Variants in C2orf78 observed in about 807,000 individuals in gnomAD.
C2orf78 encodes uncharacterized protein C2orf78.
In C2orf78, 12 loss-of-function variants were observed where a neutral mutation model predicts 21.4. The ratio of observed to expected loss-of-function variants is 0.56; its 90% confidence interval spans 0.36 to 0.91. The LOEUF (loss-of-function observed/expected upper bound fraction) is 0.91. C2orf78 is among the 40% of genes least tolerant of loss of function. C2orf78 has a pLI of 0.01. For synonymous variants in C2orf78, 396 were observed against 413.9 expected, an observed-to-expected ratio of 0.96 and a Z score of 0.52; for missense variants, 1,042 against 1,092.4, an observed-to-expected ratio of 0.95 and a Z score of 0.65.
At chr2:73,815,794 A>G in exon 3 of C2orf78, 1 of 1,613,870 alleles carries the variant, frequency 6.2e-7, no homozygotes, top group East Asian at 2.2e-5. Context: ...AAGAACCCAG[A>G]GTGCCTATTA....
chr2:73,811,627 A>G (rs1226021492), intron 1 of C2orf78, among the ~76,000 whole-genome samples: 1 of 152,194 alleles, frequency 6.6e-6, no homozygotes, highest in African/African-American at 2.4e-5. Context: ...ACATATCTCT[A>G]ATTCCATATC....
intron 2 of C2orf78, among the ~76,000 whole-genome samples, chr2:73,814,856 A>G (rs1295127670): frequency 6.6e-6 from 1 of 152,230 alleles, no homozygotes; most frequent in African/African-American, 2.4e-5. Context: ...CAACCCTATG[A>G]AATACAAAGA....
At chr2:73,816,076 C>G in exon 3 of C2orf78, 2 of 1,613,800 alleles carry the variant, frequency 1.2e-6, no homozygotes, top group Non-Finnish European at 1.7e-6. Context: ...AGCCAAAAGA[C>G]CCTTAAAAAG....
intron 1 of C2orf78, chr2:73,808,999 A>T (rs1437420982): frequency 3.6e-6 from 2 of 559,712 alleles, no homozygotes; most frequent in African/African-American, 3.8e-5. Context: ...TTGGAATAAC[A>T]GGGAAAGTAT....
chr2:73,808,527 T>C (rs1263908872), intron 1 of C2orf78, among the ~76,000 whole-genome samples: 1 of 150,406 alleles, frequency 6.6e-6, no homozygotes, highest in Non-Finnish European at 1.5e-5. Flanking sequence ...GGGACTATCA[T>C]GTCTGTCTTG....
At chr2:73,812,831 G>A (rs1026262302) in intron 1 of C2orf78, among the ~76,000 whole-genome samples, 10 of 152,108 alleles carry the variant, frequency 6.6e-5, no homozygotes, top group African/African-American at 2.4e-4. Context: ...ATTTACCAAT[G>A]GCCTGGGTTA....
chr2:73,809,879 G>A (rs902173045), intron 1 of C2orf78, among the ~76,000 whole-genome samples: 21 of 152,184 alleles, frequency 1.4e-4, no homozygotes, highest in Admixed American at 2.0e-4. Flanking sequence ...TGGGTTATAA[G>A]GAGGCAGGTA....
intron 1 of C2orf78, among the ~76,000 whole-genome samples, chr2:73,810,041 T>C (rs1452325352): frequency 6.7e-6 from 1 of 149,150 alleles, no homozygotes; most frequent in African/African-American, 2.5e-5. Context: ...GACAACAGAG[T>C]GAAATCTATT....
exon 2 of C2orf78, chr2:73,813,967 G>A (rs1299611638): frequency 6.2e-7 from 1 of 1,613,974 alleles, no homozygotes; most frequent in South Asian, 1.1e-5. Context: ...TTCCAAATCA[G>A]CAGGGCCATA....
exon 3 of C2orf78, chr2:73,815,103 C>T (rs756829158): frequency 6.2e-6 from 10 of 1,613,512 alleles, no homozygotes; most frequent in Non-Finnish European, 8.5e-6. Flanking sequence ...GGATACTTCC[C>T]TGGGATTGCA....
intron 1 of C2orf78, among the ~76,000 whole-genome samples, chr2:73,809,917 A>G (rs1213317643): frequency 6.6e-6 from 1 of 152,190 alleles, no homozygotes; most frequent in Non-Finnish European, 1.5e-5. Context: ...TGGTATTTTA[A>G]TTAAAGCAGA....
intron 1 of C2orf78, among the ~76,000 whole-genome samples, chr2:73,813,148 G>A (rs1013610929): frequency 2.0e-5 from 3 of 152,146 alleles, no homozygotes; most frequent in African/African-American, 7.2e-5. Context: ...CCAATTCTAG[G>A]AAATAGTTAT....
exon 3 of C2orf78, chr2:73,815,344 A>G: frequency 6.2e-7 from 1 of 1,613,970 alleles, no homozygotes; most frequent in Non-Finnish European, 8.5e-7. Context: ...AAGCCTCTAG[A>G]TGTCCACCAG....
exon 2 of C2orf78, chr2:73,814,016 T>C (rs1158549571): frequency 6.2e-7 from 1 of 1,614,014 alleles, no homozygotes. Context: ...CCAGGTCTAT[T>C]ACTATAATCA....
chr2:73,784,838 A>G (rs1470860361), intron 1 of C2orf78, among the ~76,000 whole-genome samples: 3 of 151,426 alleles, frequency 2.0e-5, no homozygotes, highest in Admixed American at 2.0e-4. Flanking sequence ...CAACTTTCGT[A>G]TTTTAAATTT....
intron 1 of C2orf78, among the ~76,000 whole-genome samples, chr2:73,808,426 T>C (rs892350256): frequency 1.3e-4 from 20 of 151,162 alleles, no homozygotes; most frequent in Non-Finnish European, 1.5e-5. Context: ...ATATGAAATG[T>C]AACACATTAA....
exon 3 of C2orf78, chr2:73,816,879 G>A (rs376212025): frequency 1.2e-6 from 2 of 1,613,930 alleles, no homozygotes; most frequent in African/African-American, 1.3e-5. Context: ...GAAGAGAAAG[G>A]CTCAACAAGA....
rs184119356 is a variant in C2orf78 at position 73,807,088 on chromosome 2, C to T, written c.98-6389C>T. Among the ~76,000 whole-genome samples the T allele has an allele frequency of 8.4e-3, 1,202 of 142,888 alleles. 168 individuals are homozygous for T. Among genetic ancestry groups the T allele is most frequent in the African/African-American group, 0.03 (1,062 of 35,906 alleles). 93.7% of individuals were successfully genotyped at this position (142,888 alleles called of 152,430 possible). Reference sequence around the variant, plus strand: ...CCCAGCTACTCGGGAGACTAAGGCACGAGAATGGTGTGAACCTGGGAGGCA... The same window carrying T: ...CCCAGCTACTCGGGAGACTAAGGCATGAGAATGGTGTGAACCTGGGAGGCA... On this transcript the variant is annotated intron_variant, in intron 1 of 2. Transcript: ENST00000409561.
rs1673128192 is a variant in C2orf78, at chr2:73,813,473, A to G, written c.98-4A>G. On this transcript the variant is annotated splice_region_variant and splice_polypyrimidine_tract_variant and intron_variant, in intron 1 of 2. Transcript: ENST00000409561. ...TTTTTTCATCTCTCTCTTGTTTCCT[A>G]CAGAATATTTCCAAAATACGTCTTT... The G allele has an allele frequency of 1.3e-6, 2 of 1,586,772 alleles. No individual in the cohort carries two copies. Among genetic ancestry groups the G allele is most frequent in the South Asian group, 1.2e-5 (1 of 86,672 alleles).
Sources: allele counts gnomAD v4.1 joint callset (sites outside exome capture counted in the v4.1 genomes callset), GRCh38; gene constraint gnomAD v4.1.1; transcripts MANE v1.5; gene names NCBI Gene and HGNC (gene_info 2026-07-23, HGNC 2026-07-21).